Variants in MORC1 observed in about 807,000 individuals in gnomAD.
The protein encoded by MORC1 is MORC family CW-type zinc finger protein 1.
In MORC1, 59 loss-of-function variants were observed where a neutral mutation model predicts 134.9. The ratio of observed to expected loss-of-function variants is 0.44; its 90% CI spans 0.35 to 0.54. The LOEUF is 0.54. Among genes scored for constraint, MORC1 ranks in the 20% least tolerant of loss-of-function variants. The pLI, the probability that MORC1 is intolerant of heterozygous loss-of-function variation, is 0.00. For synonymous variants in MORC1, 395 were observed against 391.7 expected (o/e 1.01, Z -0.10); for missense variants, 947 against 1,134.5 (o/e 0.83, Z 2.37).
rs1949918031 is a variant in MORC1 at position 109,054,814 on chromosome 3, T to C, written c.1244A>G (p.Gln415Arg). 1 of 1,608,442 alleles carries C rather than the reference T, an allele frequency of 6.2e-7. No individual in the cohort carries two copies. The highest frequency in any genetic ancestry group is 8.5e-7 in the Non-Finnish European group (1 of 1,178,738). Residue 415 changes from glutamine (Q) to arginine (R), a missense_variant, in exon 14 of 28, where the codon CAG (glutamine) becomes CGG (arginine). This residue lies in a region of MORC1 where 722 missense variants were observed against 817.0 expected (regional missense o/e 0.88). Transcript: ENST00000232603. ...LEVMEPSHNK[Q>R]EFLNVQEYNH... ...ATACTCTTGGACATTGAGAAATTCC[T>C]GTTTATTATGGGATGGTTCCATGAC...
At chr3:109,041,206 G>A (rs1949537760) in intron 14 of MORC1, among the ~76,000 whole-genome samples, 1 of 151,720 alleles carries the variant, frequency 6.6e-6, no homozygotes, top group African/African-American at 2.4e-5. Flanking sequence ...AGCTACTCAG[G>A]AGGCTGAAGC....
intron 2 of MORC1, among the ~76,000 whole-genome samples, chr3:109,111,191 C>T (rs1951162485): frequency 6.7e-6 from 1 of 150,314 alleles, no homozygotes; most frequent in Non-Finnish European, 1.5e-5. Context: ...TTTTAAAGAA[C>T]ATACATGGAA....
intron 14 of MORC1, among the ~76,000 whole-genome samples, chr3:109,037,472 A>G (rs952523045): frequency 6.6e-5 from 10 of 152,208 alleles, no homozygotes; most frequent in Admixed American, 3.9e-4. Context: ...TTTAAGTTCT[A>G]GGGTACATGT....
At chr3:108,972,888 C>G (rs955328288) in intron 24 of MORC1, among the ~76,000 whole-genome samples, 4 of 152,034 alleles carry the variant, frequency 2.6e-5, no homozygotes, top group African/African-American at 7.2e-5. Context: ...CGCTCTTAGA[C>G]AAATAAATAT....
In MORC1 at chr3:109,059,876, G is replaced by A. The variant is rs776994246; in HGVS notation, c.967-6C>T. On this transcript the variant is annotated splice_polypyrimidine_tract_variant and splice_region_variant and intron_variant, in intron 11 of 27. Coordinates refer to ENST00000232603, the MANE Select transcript of MORC1 (RefSeq NM_014429.4). ...AAAGCTCTCTGTAATACATCCTGGA[G>A]AAATGCATTGGTTGGGAGAGAACAT... 1.1e-5 allele frequency: 18 copies of A among 1,609,816 alleles called. No individual in the cohort carries two copies. In the African/African-American group the frequency reaches 1.7e-4, roughly 16 times the overall value.
chr3:109,039,205 C>T (rs1191267026), intron 14 of MORC1, among the ~76,000 whole-genome samples: 7 of 152,102 alleles, frequency 4.6e-5, no homozygotes, highest in Admixed American at 1.3e-4. Flanking sequence ...CGTGAGCCAC[C>T]GTGCCCCGCC....
At chr3:108,987,943 AC>A (rs1947939561) in intron 21 of MORC1, among the ~76,000 whole-genome samples, 1 of 151,880 alleles carries the variant, frequency 6.6e-6, no homozygotes, top group South Asian at 2.1e-4. Context: ...TGTTCCGAAG[AC>A]CCCTGAACAC....
At chr3:109,058,465 T>C (rs1250338914) in intron 12 of MORC1, among the ~76,000 whole-genome samples, 1 of 152,108 alleles carries the variant, frequency 6.6e-6, no homozygotes, top group Non-Finnish European at 1.5e-5. Flanking sequence ...ACTTGGCCTT[T>C]TGTTTTCAGG....
chr3:109,015,042 C>A (rs1188615595), intron 17 of MORC1, among the ~76,000 whole-genome samples: 1 of 152,088 alleles, frequency 6.6e-6, no homozygotes, highest in Non-Finnish European at 1.5e-5. Context: ...CCTGCCACCA[C>A]GCCCAGCTAA....
intron 14 of MORC1, among the ~76,000 whole-genome samples, chr3:109,048,114 G>C (rs1949738295): frequency 1.3e-5 from 2 of 152,160 alleles, no homozygotes; most frequent in Admixed American, 1.3e-4. Context: ...TAGACTGTGT[G>C]ATAACTATAA....
chr3:109,047,120 G>A (rs899425583), intron 14 of MORC1, among the ~76,000 whole-genome samples: 6 of 152,160 alleles, frequency 3.9e-5, no homozygotes, highest in Non-Finnish European at 7.4e-5. Flanking sequence ...ACAGGGAAGT[G>A]AACTGTTTAC....
intron 8 of MORC1, among the ~76,000 whole-genome samples, chr3:109,071,895 G>A (rs1950326425): frequency 1.3e-5 from 2 of 152,124 alleles, no homozygotes; most frequent in Admixed American, 1.3e-4. Context: ...TTATGTCATT[G>A]TAGGAAACTG....
In MORC1 at chr3:109,004,868, A is replaced by C; in HGVS notation, c.2034T>G (p.Ile678Met). Residue 678 changes from isoleucine to methionine, a missense_variant, in exon 20 of 28, where the codon ATT becomes ATG. Coordinates refer to ENST00000232603, the MANE Select transcript of MORC1 (RefSeq NM_014429.4). ...TTGGTTGAGCTCTCCAGACAGTGGT[A>C]ATATTAGCAATCTGACTTCTCTTTC... The part of the protein sequence containing the change: ...ERSQRSQIAN[I>M]TTVWRAQPTE... The C allele has an allele frequency of 6.2e-7, 1 of 1,613,590 alleles. No individual in the cohort carries two copies. The highest frequency in any genetic ancestry group is 8.5e-7 in the Non-Finnish European group (1 of 1,179,882).
In MORC1 at chr3:109,062,202, T is replaced by C. The variant is rs979070226; in HGVS notation, c.896-144A>G. On this transcript the variant is annotated intron_variant, in intron 10 of 27. Transcript: ENST00000232603. Reference sequence around the variant, plus strand: ...AAACCCTATGTTCCTCTTATAACTTTTACACATGTTAAATTTTCCTTCTAT... The same window carrying C: ...AAACCCTATGTTCCTCTTATAACTTCTACACATGTTAAATTTTCCTTCTAT... 5 of 688,818 alleles carry C rather than the reference T, an allele frequency of 7.3e-6. No individual in the cohort carries two copies. In the African/African-American group the frequency reaches 9.0e-5, roughly 12 times the overall value. The allele number at this position is 688,818 out of a possible 1,614,324, so 42.7% of individuals were successfully genotyped here. A position where few individuals can be genotyped will look rare whatever the true frequency, so the allele number is the denominator to read the frequency against.
intron 21 of MORC1, among the ~76,000 whole-genome samples, chr3:108,997,497 G>C (rs1477662380): frequency 6.6e-6 from 1 of 152,104 alleles, no homozygotes; most frequent in Non-Finnish European, 1.5e-5. Flanking sequence ...GACACAGGGA[G>C]ACTCTGTCTC....
At chr3:108,993,394 G>C (rs764918183) in intron 21 of MORC1, among the ~76,000 whole-genome samples, 2 of 152,118 alleles carry the variant, frequency 1.3e-5, no homozygotes, top group Non-Finnish European at 2.9e-5. Context: ...CATTGTTTTT[G>C]TGTCTCTCCG....
intron 21 of MORC1, among the ~76,000 whole-genome samples, chr3:108,992,487 T>C (rs372511511): frequency 6.6e-6 from 1 of 152,220 alleles, no homozygotes; most frequent in African/African-American, 2.4e-5. Flanking sequence ...AAGCATTTTA[T>C]CTATATGACC....
In MORC1 at chr3:109,007,099, G is replaced by A. The variant is rs754497265; in HGVS notation, c.1705-8C>T. The A allele has an allele frequency of 1.2e-6, 2 of 1,606,576 alleles. No homozygotes were observed. Among genetic ancestry groups the A allele is most frequent in the Non-Finnish European group, 8.5e-7 (1 of 1,176,514 alleles). On this transcript the variant is annotated splice_polypyrimidine_tract_variant and splice_region_variant and intron_variant, in intron 17 of 27. Transcript: ENST00000232603. ...CACTGGTATAAATTGAGGCTTTATG[G>A]GAAAGCAAACCATTAAGGCAAATGT...
At chr3:109,057,208 C>A (rs1450002320) in intron 13 of MORC1, 135 bp downstream of exon 13, 30 of 887,730 alleles carry the variant, frequency 3.4e-5, no homozygotes, top group Non-Finnish European at 4.6e-5. Context: ...AATGCCTGCA[C>A]TTCAACAGGA....
Sources: gnomAD v4.1 joint callset for allele counts (sites outside exome capture counted in the v4.1 genomes callset) on GRCh38, gnomAD v4.1.1 for gene constraint, gnomAD v4.1.1 regional missense constraint, MANE v1.5 for transcripts, NCBI Gene and HGNC (gene_info 2026-07-23, HGNC 2026-07-21) for gene names.